Variants in KIAA0319 observed in about 807,000 individuals in gnomAD.
The protein encoded by KIAA0319 is KIAA0319, also known as dyslexia-associated protein KIAA0319.
KIAA0319 carries 83 observed loss-of-function variants against 108.4 expected under a neutral mutation model. The ratio of observed to expected loss-of-function variants is 0.77; its 90% CI spans 0.64 to 0.92. The LOEUF (loss-of-function observed/expected upper bound fraction) is 0.92. Ranked by LOEUF, KIAA0319 falls within the 40% of genes least tolerant of loss-of-function variation. The pLI is 0.00. For synonymous variants in KIAA0319, 484 were observed against 510.4 expected, an observed-to-expected ratio of 0.95 and a Z score of 0.70; for missense variants, 1,195 against 1,322.4, an observed-to-expected ratio of 0.90 and a Z score of 1.49.
rs950654147 is a variant in KIAA0319 at position 24,578,220 on chromosome 6, T to C, written c.1395A>G (p.Ile465Met). ...DGSQSTDDTEIVSYHWEEING... is the reference protein window; with the variant it reads ...DGSQSTDDTEMVSYHWEEING... ...TTATTTCTTCCCAATGATAACTCACTATTTCAGTATCATCTGTACTTTCTA... is the reference window on the plus strand; with the variant it reads ...TTATTTCTTCCCAATGATAACTCACCATTTCAGTATCATCTGTACTTTCTA... The change falls in exon 9 of 21, where the codon ATA (isoleucine) becomes ATG (methionine). Residue 465 changes from isoleucine (I) to methionine (M), a missense_variant. Physicochemically the swap from Ile to Met is conservative, Grantham distance 10. Coordinates refer to ENST00000378214, the MANE Select transcript of KIAA0319 (RefSeq NM_014809.4). 1.2e-6 allele frequency: 2 copies of C among 1,602,610 alleles called. No homozygotes were observed. Among genetic ancestry groups the C allele is most frequent in the Non-Finnish European group, 1.7e-6 (2 of 1,170,024 alleles).
At chr6:24,594,198 C>CAAAAA (rs761107947) in intron 3 of KIAA0319, among the ~76,000 whole-genome samples, 10 of 54,410 alleles carry the variant, frequency 1.8e-4, no homozygotes, top group Admixed American at 3.1e-4. Flanking sequence ...GACTCTGTCT[C>CAAAAA]AAAAAAAAAA....
intron 10 of KIAA0319, among the ~76,000 whole-genome samples, chr6:24,573,391 T>A (rs1765012919): frequency 6.6e-6 from 1 of 152,196 alleles, no homozygotes; most frequent in Non-Finnish European, 1.5e-5. Context: ...AGGAGGATGG[T>A]CAAACACACT....
chr6:24,573,452 G>A (rs1030284669), intron 10 of KIAA0319, among the ~76,000 whole-genome samples: 4 of 152,070 alleles, frequency 2.6e-5, no homozygotes, highest in Admixed American at 6.5e-5. Flanking sequence ...AAAATCATGA[G>A]GCAGGTTTAT....
At chr6:24,630,535 A>C (rs12181331) in intron 1 of KIAA0319, among the ~76,000 whole-genome samples, 4 of 147,680 alleles carry the variant, frequency 2.7e-5, no homozygotes, top group Admixed American at 6.8e-5. Context: ...AAAAAAAGAA[A>C]GAACGAAAGA....
chr6:24,572,738 C>CAA, intron 10 of KIAA0319, 40 bp from the exon 11 acceptor site: 1 of 1,553,732 alleles, frequency 6.4e-7, no homozygotes, highest in Admixed American at 2.0e-5. Context: ...CAAAACAAAA[C>CAA]AAAAAAGTAA....
intron 2 of KIAA0319, 136 bp from the exon 3 acceptor site, chr6:24,596,754 C>A (rs757359992): frequency 2.7e-6 from 2 of 738,276 alleles, no homozygotes; most frequent in East Asian, 5.2e-5. Context: ...GCATTTCACA[C>A]AGAAAGATCA....
chr6:24,543,124 TC>T (rs1417811442), downstream of KIAA0319, among the ~76,000 whole-genome samples: 1 of 152,222 alleles, frequency 6.6e-6, no homozygotes, highest in African/African-American at 2.4e-5. Flanking sequence ...AAATTCCTTT[TC>T]AGAGAACTTC....
At position 24,599,010 on chromosome 6, in the gene KIAA0319, G is replaced by A. The variant is rs1343201954; in HGVS notation, c.55+2039C>T. The stretch of plus-strand genomic sequence containing the variant: ...GTCTCGCCTGGAAGGGCTGAATAAC[G>A]AGATCAACTTCCTCAGGCAGCTGTA... On this transcript the variant is annotated intron_variant, in intron 2 of 20. Coordinates refer to ENST00000378214, the MANE Select transcript of KIAA0319 (RefSeq NM_014809.4). The surrounding 1 kb of genome is among the most constrained non-coding windows in gnomAD (Gnocchi z 4.1). 4 of 709,792 alleles carry A rather than the reference G, an allele frequency of 5.6e-6. No homozygotes were observed. Among genetic ancestry groups the A allele is most frequent in the South Asian group, 2.9e-5 (2 of 67,820 alleles). 44.0% of individuals were successfully genotyped at this position (709,792 alleles called of 1,614,324 possible).
intron 2 of KIAA0319, chr6:24,598,489 C>G (rs1483683497): frequency 2.1e-6 from 1 of 481,682 alleles, no homozygotes; most frequent in Non-Finnish European, 4.0e-6. Context: ...GCTGGACATG[C>G]TGGGCCAGGA....
chr6:24,579,464 C>T (rs1368507262), intron 8 of KIAA0319, among the ~76,000 whole-genome samples: 1 of 138,946 alleles, frequency 7.2e-6, no homozygotes, highest in African/African-American at 2.9e-5. Flanking sequence ...TTATATATCT[C>T]ATATATATAT....
chr6:24,604,412 C>G (rs1771108532), intron 1 of KIAA0319, among the ~76,000 whole-genome samples: 1 of 152,168 alleles, frequency 6.6e-6, no homozygotes, highest in Admixed American at 6.5e-5. Context: ...GACCACTGGT[C>G]AAGAATCCCA....
At chr6:24,561,190 G>A (rs573021627) in intron 16 of KIAA0319, among the ~76,000 whole-genome samples, 19 of 152,244 alleles carry the variant, frequency 1.2e-4, no homozygotes, top group African/African-American at 4.1e-4. Flanking sequence ...AAGGGATATT[G>A]GTCTGTAGTT....
intron 10 of KIAA0319, among the ~76,000 whole-genome samples, chr6:24,575,498 T>A (rs1026611585): frequency 1.3e-5 from 2 of 152,158 alleles, no homozygotes; most frequent in African/African-American, 4.8e-5. Context: ...TAGGTAGAGA[T>A]GGACACCACC....
chr6:24,556,762 T>G (rs769749773), intron 17 of KIAA0319, 33 bp from the exon 18 acceptor site: 1 of 1,590,876 alleles, frequency 6.3e-7, no homozygotes, highest in Non-Finnish European at 8.5e-7. Flanking sequence ...GAGGGCAGCA[T>G]GCAGAAAAGG....
At chr6:24,626,886 C>T (rs966739383) in intron 1 of KIAA0319, among the ~76,000 whole-genome samples, 6 of 152,018 alleles carry the variant, frequency 3.9e-5, no homozygotes, top group Admixed American at 6.6e-5. Flanking sequence ...AGAAGCTAGG[C>T]GGCTTCTGGA....
At chr6:24,549,191 G>A (rs1019752670) in intron 20 of KIAA0319, among the ~76,000 whole-genome samples, 6 of 151,934 alleles carry the variant, frequency 3.9e-5, no homozygotes, top group African/African-American at 1.5e-4. Context: ...TGGGCATGGT[G>A]GACAGGTGCC....
chr6:24,586,028 G>T (rs1767429724), intron 4 of KIAA0319, among the ~76,000 whole-genome samples: 1 of 152,174 alleles, frequency 6.6e-6, no homozygotes, highest in Non-Finnish European at 1.5e-5. Flanking sequence ...GGCAGAGGTT[G>T]CAGTGAGCCA....
At chr6:24,600,224 A>C (rs1337840484) in intron 2 of KIAA0319, among the ~76,000 whole-genome samples, 1 of 152,218 alleles carries the variant, frequency 6.6e-6, no homozygotes, top group Middle Eastern at 3.2e-3. Flanking sequence ...ACATTAATGA[A>C]GGTATTTTCT....
intron 5 of KIAA0319, among the ~76,000 whole-genome samples, chr6:24,582,687 C>T (rs1287164415): frequency 2.7e-5 from 4 of 149,378 alleles, no homozygotes; most frequent in Non-Finnish European, 5.9e-5. Flanking sequence ...CCTAACTTAA[C>T]CATTAGTATG....
Sources: allele counts gnomAD v4.1 joint callset (sites outside exome capture counted in the v4.1 genomes callset), GRCh38; gene constraint gnomAD v4.1.1; non-coding constraint Gnocchi (gnomAD v3.1); transcripts MANE v1.5; gene names NCBI Gene and HGNC (gene_info 2026-07-23, HGNC 2026-07-21).